PSMD9: variants seen among roughly 807,000 people sequenced by gnomAD.
PSMD9 encodes 26S proteasome non-ATPase regulatory subunit 9.
In PSMD9, 26 loss-of-function variants were observed where a neutral mutation model predicts 25.9. The ratio of observed to expected loss-of-function variants is 1.00; its 90% CI spans 0.73 to 1.39. The LOEUF (loss-of-function observed/expected upper bound fraction) is 1.39. Among genes scored for constraint, PSMD9 ranks in the 40% most tolerant of loss-of-function variants. PSMD9 has a pLI of 0.00. For synonymous variants in PSMD9, 110 were observed against 114.5 expected (o/e 0.96, Z 0.25); for missense variants, 303 against 299.3 (o/e 1.01, Z -0.09).
At position 121,917,824 on chromosome 12, in the gene PSMD9, T is replaced by TAA. The variant is rs1879968318; in HGVS notation, c.*1514_*1515insAA. On this transcript the variant is annotated 3_prime_UTR_variant, in exon 6 of 6. Coordinates refer to ENST00000541212, the MANE Select transcript of PSMD9 (RefSeq NM_002813.7). The stretch of plus-strand genomic sequence containing the variant: ...ATTCCACGTATTTTCCAGTCTCTTT[T>TAA]ATAAAGTCTCAGACTATAATAAACA... 6.6e-6 allele frequency: 1 copy of TAA among 152,272 alleles called. No homozygotes were observed. The highest frequency in any genetic ancestry group is 1.9e-4 in the East Asian group (1 of 5,204). 9.4% of individuals were successfully genotyped at this position (152,272 alleles called of 1,614,324 possible). A position where few individuals can be genotyped will look rare whatever the true frequency, so the allele number is the denominator to read the frequency against.
chr12:121,903,123 T>G lies in PSMD9; in HGVS notation c.555+16T>G. 6.2e-7 allele frequency: 1 copy of G among 1,603,686 alleles called. No individual in the cohort carries two copies. Among genetic ancestry groups the G allele is most frequent in the Non-Finnish European group, 8.5e-7 (1 of 1,170,912 alleles). ...CAGTGAGGGGGTGAGTGGGGCTACC[T>G]GGTGTCTCGGTCTGTTTGGGTTTTT... On this transcript the variant is annotated intron_variant, in intron 4 of 5. Transcript: ENST00000541212.
chr12:121,902,828 C>A, intron 3 of PSMD9, 178 bp from the exon 4 acceptor site: 1 of 558,818 alleles, frequency 1.8e-6, no homozygotes. Flanking sequence ...GGAGGTGGCC[C>A]CGTTACCCAC....
At chr12:121,901,417 T>C (rs1879391827) in intron 3 of PSMD9, among the ~76,000 whole-genome samples, 1 of 152,098 alleles carries the variant, frequency 6.6e-6, no homozygotes, top group South Asian at 2.1e-4. Flanking sequence ...GGTGCCATCA[T>C]AGCTCACTGC....
At chr12:121,895,882 A>C (rs1451890409) in intron 2 of PSMD9, among the ~76,000 whole-genome samples, 5 of 152,072 alleles carry the variant, frequency 3.3e-5, no homozygotes, top group African/African-American at 1.2e-4. Context: ...GCCATTATCC[A>C]CTCAGCCATA....
chr12:121,899,807 G>C lies in PSMD9; in HGVS notation c.415G>C (p.Val139Leu). 6.2e-7 allele frequency: 1 copy of C among 1,614,056 alleles called. No individual in the cohort carries two copies. Among genetic ancestry groups the C allele is most frequent in the Non-Finnish European group, 8.5e-7 (1 of 1,179,934 alleles). ...GGGCCCTCCACGGGCCTTCGCCAAA[G>C]TGAACAGCATCAGCCCCGGCTCCCC... is the stretch of plus-strand genomic sequence containing the variant. ...SQGPPRAFAK[V>L]NSISPGSPAS... is the part of the protein sequence containing the mutation. Residue 139 changes from valine to leucine, a missense_variant, in exon 3 of 6, where the codon GTG becomes CTG. By Grantham distance (32) the Val-to-Leu change is conservative. Transcript: ENST00000541212.
chr12:121,912,959 C>T lies in PSMD9; in HGVS notation c.556-2897C>T, dbSNP rs367708257. On this transcript the variant is annotated intron_variant, in intron 4 of 5. Transcript: ENST00000541212. The stretch of plus-strand genomic sequence containing the variant: ...CTTTTCTTTTTTTTTTTTTTTGAGA[C>T]GGAGTCTCGCTCTGTCACCCAGGCT... 5.6e-4 allele frequency among the ~76,000 whole-genome samples: 77 copies of T among 137,726 alleles called. No homozygotes were observed. The East Asian group carries it at 0.014, about 25-fold the overall frequency. The allele number at this position is 137,726 out of a possible 152,430, so 90.4% of individuals were successfully genotyped here. A position where few individuals can be genotyped will look rare whatever the true frequency, so the allele number is the denominator to read the frequency against.
Position 121,912,521 on chromosome 12 carries a change from T to C in PSMD9, c.556-3335T>C, listed in dbSNP as rs114779421. Among the ~76,000 whole-genome samples, 1,194 of 152,260 alleles carry C rather than the reference T, an allele frequency of 7.8e-3. 12 individuals carry two copies. The highest frequency in any genetic ancestry group is 0.027 in the African/African-American group (1,128 of 41,558). Reference sequence around the variant, plus strand: ...TTCATTTCTCTTATGATTAGTGACATGGAGCATCTTTTCCTGTGCTTTTTG... The same window carrying C: ...TTCATTTCTCTTATGATTAGTGACACGGAGCATCTTTTCCTGTGCTTTTTG... On this transcript the variant is annotated intron_variant, in intron 4 of 5. Coordinates refer to ENST00000541212, the MANE Select transcript of PSMD9 (RefSeq NM_002813.7).
chr12:121,891,901 C>CAAAAAAAAAA (rs33982940), intron 1 of PSMD9, among the ~76,000 whole-genome samples: 1 of 74,316 alleles, frequency 1.3e-5, no homozygotes, highest in Non-Finnish European at 2.4e-5. Flanking sequence ...GATTCCATCT[C>CAAAAAAAAAA]AAAAAAAAAA....
At chr12:121,911,032 T>TTTTG (rs1592949826) in intron 4 of PSMD9, 3 of 450,754 alleles carry the variant, frequency 6.7e-6, no homozygotes, top group Non-Finnish European at 1.3e-5. Context: ...CTGTGTAGTT[T>TTTTG]TTTTGTTTTG....
chr12:121,910,689 G>A (rs1293839106), intron 4 of PSMD9, among the ~76,000 whole-genome samples: 1 of 151,580 alleles, frequency 6.6e-6, no homozygotes, highest in Non-Finnish European at 1.5e-5. Context: ...GAACCCGGGA[G>A]GCAGAGGTTG....
intron 4 of PSMD9, among the ~76,000 whole-genome samples, chr12:121,910,767 A>G (rs781437945): frequency 5.3e-5 from 8 of 151,934 alleles, no homozygotes; most frequent in Non-Finnish European, 1.0e-4. Flanking sequence ...TCTCAAAAAA[A>G]AAAAAATTAC....
rs756179152 is a variant in PSMD9, at chr12:121,903,038, C to A, written c.486C>A (p.Phe162Leu). 6.2e-7 allele frequency: 1 copy of A among 1,613,944 alleles called. No homozygotes were observed. Among genetic ancestry groups the A allele is most frequent in the Non-Finnish European group, 8.5e-7 (1 of 1,179,990 alleles). ...GLQVDDEIVE[F>L]GSVNTQNFQS... ...AAGTGGATGATGAGATTGTGGAGTTCGGCTCTGTGAACACCCAGAACTTCC... is the reference window on the plus strand; with the variant it reads ...AAGTGGATGATGAGATTGTGGAGTTAGGCTCTGTGAACACCCAGAACTTCC... Residue 162 changes from phenylalanine to leucine, a missense_variant, in exon 4 of 6, where the codon TTC becomes TTA. Transcript: ENST00000541212.
chr12:121,894,921 T>A, intron 2 of PSMD9, 80 bp downstream of exon 2: 1 of 1,184,594 alleles, frequency 8.4e-7, no homozygotes, highest in Non-Finnish European at 1.2e-6. Context: ...CAACTATCTG[T>A]ATTATCTACT....
At chr12:121,893,589 G>C (rs79128066) in intron 1 of PSMD9, among the ~76,000 whole-genome samples, 92 of 152,306 alleles carry the variant, frequency 6.0e-4, no homozygotes, top group African/African-American at 2.0e-3. Context: ...TGAGAGAGAA[G>C]CTCCCAAGCC....
intron 1 of PSMD9, among the ~76,000 whole-genome samples, chr12:121,891,277 CAG>C (rs1879065974): frequency 1.5e-5 from 2 of 130,082 alleles, no homozygotes; most frequent in Non-Finnish European, 3.1e-5. Flanking sequence ...TTGTGGGTGA[CAG>C]AGTGAGATGC....
chr12:121,899,592 C>G (rs1242617764), intron 2 of PSMD9, 42 bp from the exon 3 acceptor site: 1 of 1,530,658 alleles, frequency 6.5e-7, no homozygotes, highest in Non-Finnish European at 8.9e-7. Flanking sequence ...CTTGTGTCCT[C>G]CACTGTCTTC....
Position 121,894,829 on chromosome 12 carries a change from CACA to C in PSMD9, c.233_235del (p.Asn78del), listed in dbSNP as rs1224357194. 2 of 1,613,392 alleles carry C rather than the reference CACA, an allele frequency of 1.2e-6. No individual in the cohort carries two copies. The highest frequency in any genetic ancestry group is 8.5e-7 in the Non-Finnish European group (1 of 1,179,688). Reference sequence around the variant, plus strand: ...CCTGTACCAAGTCCGCACCGCCAGGCACAACATCATATGTGAGTGGCCCTCTTA... The same window carrying C: ...CCTGTACCAAGTCCGCACCGCCAGGCACATCATATGTGAGTGGCCCTCTTA... On this transcript the variant is annotated inframe_deletion, in exon 2 of 6. Coordinates refer to ENST00000541212, the MANE Select transcript of PSMD9 (RefSeq NM_002813.7).
At chr12:121,890,386 T>TATATGCATATACC (rs1879033191) in intron 1 of PSMD9, among the ~76,000 whole-genome samples, 1 of 152,226 alleles carries the variant, frequency 6.6e-6, no homozygotes, top group Non-Finnish European at 1.5e-5. Flanking sequence ...TGCAGTATAC[T>TATATGCATATACC]ATATGCATAT....
intron 1 of PSMD9, chr12:121,893,920 C>G (rs953205698): frequency 1.3e-5 from 2 of 152,178 alleles, no homozygotes; most frequent in African/African-American, 2.4e-5. Flanking sequence ...CAGGTCAGCT[C>G]GTTAGTTCTT....
Sources: allele counts gnomAD v4.1 joint callset (sites outside exome capture counted in the v4.1 genomes callset), GRCh38; gene constraint gnomAD v4.1.1; transcripts MANE v1.5; gene names NCBI Gene and HGNC (gene_info 2026-07-23, HGNC 2026-07-21).